The following MYPN variants were observed in gnomAD, a reference collection of about 807,000 sequenced individuals.
MYPN encodes sarcomeric protein myopalladin, 145 kDa (MYOP).
A neutral mutation model predicts 129.4 loss-of-function variants in MYPN; 63 were observed. The observed-to-expected ratio is 0.49, with a 90% CI of 0.40 to 0.60. MYPN has a LOEUF of 0.60. MYPN is among the 20% of genes least tolerant of loss of function. The pLI, the probability that MYPN is intolerant of heterozygous loss-of-function variation, is 0.00. For missense variants in MYPN, 1,596 were observed against 1,635.4 expected (o/e 0.98, Z 0.42); for synonymous variants, 629 against 600.9 (o/e 1.05, Z -0.68).
chr10:68,122,227 A>C lies in MYPN; in HGVS notation c.789A>C (p.Glu263Asp), dbSNP rs1216891347. Residue 263 changes from glutamate to aspartate, a missense_variant, in exon 2 of 20, where the codon GAA becomes GAC. By Grantham distance (45) the Glu-to-Asp change is conservative. Transcript: ENST00000358913. ...GSSPSSLYYE[E>D]PLGQPPRFTQ... ...CCCCTTCATCTCTGTACTATGAAGA[A>C]CCTCTGGGGCAACCTCCCCGGTTCA... The C allele has an allele frequency of 6.2e-7, 1 of 1,611,672 alleles. No individual in the cohort carries two copies. The highest frequency in any genetic ancestry group is 1.3e-5 in the African/African-American group (1 of 74,798).
At chr10:68,112,796 T>C (rs2042099741) in intron 1 of MYPN, among the ~76,000 whole-genome samples, 1 of 152,094 alleles carries the variant, frequency 6.6e-6, no homozygotes, top group Non-Finnish European at 1.5e-5. Context: ...ACACGAAAAA[T>C]AGACTAGAAA....
chr10:68,150,234 T>A, intron 6 of MYPN, 123 bp downstream of exon 6: 1 of 825,002 alleles, frequency 1.2e-6, no homozygotes, highest in Non-Finnish European at 2.0e-6. Flanking sequence ...CGGTATAGGG[T>A]TTGGGTTGTT....
At position 68,099,515 on chromosome 10, in the gene MYPN, A is replaced by T. The variant is rs12266941; in HGVS notation, c.-2+11523A>T. Among the ~76,000 whole-genome samples the T allele has an allele frequency of 4.0e-3, 607 of 152,170 alleles. 5 individuals carry two copies. The highest frequency in any genetic ancestry group is 0.014 in the African/African-American group (575 of 41,518). ...CTGGGCATAGTGCCACGCGCCTGTC[A>T]TCCCAGCCTCATGTCTCAGGAGGCT... On this transcript the variant is annotated intron_variant, in intron 1 of 6. Coordinates refer to the MYPN transcript ENST00000685154.
At chr10:68,209,985 G>C (rs995053824) in intron 19 of MYPN, among the ~76,000 whole-genome samples, 2 of 152,128 alleles carry the variant, frequency 1.3e-5, no homozygotes, top group African/African-American at 4.8e-5. Flanking sequence ...AAGCCACCGT[G>C]CCTGGCCGCA....
rs2043213277 is a variant in MYPN at position 68,175,469 on chromosome 10, T to G, written c.2703+8T>G. 2.5e-6 allele frequency: 4 copies of G among 1,613,844 alleles called. No individual in the cohort carries two copies. The highest frequency in any genetic ancestry group is 1.7e-5 in the Admixed American group (1 of 59,996). On this transcript the variant is annotated splice_region_variant and intron_variant, in intron 12 of 19. Coordinates refer to ENST00000358913, the MANE Select transcript of MYPN (RefSeq NM_032578.4). ...GTCAGACCAAACCAGCAGGTAAGAT[T>G]GTTGGATTTAGAAGGTTTATTGAAA...
At chr10:68,136,165 A>T in intron 2 of MYPN, 2 of 958,388 alleles carry the variant, frequency 2.1e-6, no homozygotes, top group South Asian at 9.6e-5. Flanking sequence ...GTCCAGTTAC[A>T]TCTGAAAAAT....
At chr10:68,127,258 C>A (rs2042339787) in intron 2 of MYPN, among the ~76,000 whole-genome samples, 1 of 151,818 alleles carries the variant, frequency 6.6e-6, no homozygotes, top group Admixed American at 6.6e-5. Flanking sequence ...ACCTCCCTTG[C>A]CCTCCCAAAG....
chr10:68,166,184 C>A lies in MYPN; in HGVS notation c.1601-110C>A. On this transcript the variant is annotated intron_variant, in intron 9 of 19. Coordinates refer to ENST00000358913, the MANE Select transcript of MYPN (RefSeq NM_032578.4). ...CAGATGATGATCTGTTTTTGACAAGCATTTTCCCATTCATACATTCCTCTG... is the reference window on the plus strand; with the variant it reads ...CAGATGATGATCTGTTTTTGACAAGAATTTTCCCATTCATACATTCCTCTG... 16 of 1,273,522 alleles carry A rather than the reference C, an allele frequency of 1.3e-5. 1 individual carries two copies. The highest frequency in any genetic ancestry group is 1.8e-5 in the Non-Finnish European group (16 of 874,056). 78.9% of individuals were successfully genotyped at this position (1,273,522 alleles called of 1,614,324 possible).
intron 6 of MYPN, among the ~76,000 whole-genome samples, chr10:68,152,962 ATTTTATTTTATTTTATTTAT>A (rs1409952763): frequency 1.4e-5 from 2 of 140,156 alleles, no homozygotes; most frequent in Non-Finnish European, 3.1e-5. Flanking sequence ...ATGTTATTTT[ATTTTATTTTATTTTATTTAT>A]TTTATTTTAT....
chr10:68,197,563 G>GC, intron 16 of MYPN, 85 bp downstream of exon 16: 7 of 1,571,172 alleles, frequency 4.5e-6, no homozygotes, highest in Non-Finnish European at 5.2e-6. Context: ...TTTGTTTTGT[G>GC]GGTTTTTTTT....
chr10:68,106,730 T>C (rs1236984629), upstream of MYPN: 2 of 717,280 alleles, frequency 2.8e-6, no homozygotes, highest in Admixed American at 2.0e-5. Flanking sequence ...CTCCCATGCT[T>C]ACCGTCCAAG....
chr10:68,195,514 C>A lies in MYPN; in HGVS notation c.3140C>A (p.Ser1047Tyr). 1.2e-6 allele frequency: 2 copies of A among 1,614,042 alleles called. No individual in the cohort carries two copies. Among genetic ancestry groups the A allele is most frequent in the Non-Finnish European group, 1.7e-6 (2 of 1,179,940 alleles). ...TTGCCCATTCGCAGTCGGCTAACCTCTGCTGGTCAGTCTCACAGGTAAAGA... is the reference window on the plus strand; with the variant it reads ...TTGCCCATTCGCAGTCGGCTAACCTATGCTGGTCAGTCTCACAGGTAAAGA... Reference protein sequence around the residue: ...QSLPIRSRLTSAGQSHRGRSR... With the variant: ...QSLPIRSRLTYAGQSHRGRSR... The change falls in exon 15 of 20, where the codon TCT (serine) becomes TAT (tyrosine). Residue 1047 changes from serine to tyrosine, a missense_variant. By Grantham distance (144) the Ser-to-Tyr change is moderately radical. Coordinates refer to ENST00000358913, the MANE Select transcript of MYPN (RefSeq NM_032578.4).
chr10:68,180,373 A>T (rs1003963986), intron 12 of MYPN, among the ~76,000 whole-genome samples: 1 of 152,138 alleles, frequency 6.6e-6, no homozygotes, highest in Admixed American at 6.5e-5. Flanking sequence ...ATTTGTAGAG[A>T]TAGGGTTTCA....
chr10:68,149,944 G>A (rs1300005038), intron 5 of MYPN, 96 bp from the exon 6 acceptor site: 1 of 1,134,430 alleles, frequency 8.8e-7, no homozygotes, highest in South Asian at 1.2e-5. Flanking sequence ...GGTTTGGGAT[G>A]CATTTCATAT....
At chr10:68,114,482 G>A (rs1301555174) in intron 1 of MYPN, among the ~76,000 whole-genome samples, 1 of 151,820 alleles carries the variant, frequency 6.6e-6, no homozygotes, top group African/African-American at 2.4e-5. Context: ...CCAGGTAACT[G>A]GGATTACAGG....
chr10:68,115,985 T>C (rs1467464309), intron 1 of MYPN, among the ~76,000 whole-genome samples: 2 of 152,214 alleles, frequency 1.3e-5, no homozygotes, highest in Non-Finnish European at 2.9e-5. Flanking sequence ...TAACACACTT[T>C]GTTTCCTCCT....
At chr10:68,153,541 TTTCTC>T (rs2042814322) in intron 6 of MYPN, among the ~76,000 whole-genome samples, 2 of 152,158 alleles carry the variant, frequency 1.3e-5, no homozygotes, top group African/African-American at 4.8e-5. Context: ...CTGACGAGGC[TTTCTC>T]AGCCTCGTCA....
At chr10:68,184,380 C>T (rs1412270350) in intron 12 of MYPN, among the ~76,000 whole-genome samples, 4 of 152,124 alleles carry the variant, frequency 2.6e-5, no homozygotes, top group Admixed American at 2.6e-4. Context: ...TAAGATTTAC[C>T]AGAGTAAACA....
At chr10:68,205,504 C>A (rs988709638) in intron 18 of MYPN, among the ~76,000 whole-genome samples, 2 of 135,410 alleles carry the variant, frequency 1.5e-5, no homozygotes, top group African/African-American at 2.7e-5. Flanking sequence ...CACAGTGAAA[C>A]CCTATTTCTA....
Sources: allele counts gnomAD v4.1 joint callset (sites outside exome capture counted in the v4.1 genomes callset), GRCh38; gene constraint gnomAD v4.1.1; transcripts MANE v1.5; gene names NCBI Gene and HGNC (gene_info 2026-07-23, HGNC 2026-07-21).